WIPF2: variants seen among roughly 807,000 people sequenced by gnomAD.
The protein encoded by WIPF2 is WAS/WASL interacting protein family member 2.
Under a neutral mutation model 38.8 loss-of-function variants are expected in WIPF2, and 23 were observed. That is an observed-to-expected ratio of 0.59 (90% CI 0.43 to 0.84). The LOEUF (loss-of-function observed/expected upper bound fraction) is 0.84. Ranked by LOEUF, WIPF2 falls within the 40% of genes least tolerant of loss-of-function variation. The pLI is 0.00. For missense variants in WIPF2, 574 were observed against 580.5 expected (o/e 0.99, Z 0.11); for synonymous variants, 210 against 223.2 (o/e 0.94, Z 0.53).
intron 2 of WIPF2, among the ~76,000 whole-genome samples, chr17:40,258,056 C>G (rs2031784439): frequency 2.0e-5 from 3 of 152,152 alleles, no homozygotes; most frequent in Admixed American, 1.3e-4. Flanking sequence ...GTATGAACTG[C>G]CTTTTAGATG....
chr17:40,238,310 GTTTA>G (rs2031057520), intron 1 of WIPF2, among the ~76,000 whole-genome samples: 1 of 151,910 alleles, frequency 6.6e-6, no homozygotes, highest in Non-Finnish European at 1.5e-5. Context: ...TTATTTATTT[GTTTA>G]TTTATTTGAG....
chr17:40,276,005 C>G (rs1466520085), intron 6 of WIPF2, among the ~76,000 whole-genome samples: 1 of 152,166 alleles, frequency 6.6e-6, no homozygotes, highest in African/African-American at 2.4e-5. Context: ...TCAAGCCGCA[C>G]TTACAGAAAA....
chr17:40,219,362 GGGCGGTGGCGGCGGCGGCGGCGGC>G lies in WIPF2; in HGVS notation c.-194_-171del. The G allele has an allele frequency of 2.6e-6, 1 of 378,462 alleles. No individual in the cohort carries two copies. The highest frequency in any genetic ancestry group is 2.3e-5 in the South Asian group (1 of 42,866). The allele number at this position is 378,462 out of a possible 1,614,324, so 23.4% of individuals were successfully genotyped here. On this transcript the variant is annotated 5_prime_UTR_variant, in exon 1 of 8. Transcript: ENST00000323571. ...AGATCCATTTCCGGGTTGGCAAAAG[GGGCGGTGGCGGCGGCGGCGGCGGC>G]GGCGGCGGCGGCGACGGCGAGAAAG...
In WIPF2 at chr17:40,280,613, T is replaced by C. The variant is rs1054212219; in HGVS notation, c.*2388T>C. The C allele has an allele frequency of 6.6e-6, 1 of 152,662 alleles. No individual in the cohort carries two copies. The highest frequency in any genetic ancestry group is 2.1e-4 in the South Asian group (1 of 4,832). 9.5% of individuals were successfully genotyped at this position (152,662 alleles called of 1,614,324 possible). A position where few individuals can be genotyped will look rare whatever the true frequency, so the allele number is the denominator to read the frequency against. ...GACTGTGAAGTCTTCCCATTTATTT[T>C]TGAAATGGGAGTCGATGCCTTTTGT... On this transcript the variant is annotated 3_prime_UTR_variant, in exon 8 of 8. Coordinates refer to ENST00000323571, the MANE Select transcript of WIPF2 (RefSeq NM_133264.5).
intron 1 of WIPF2, chr17:40,220,613 A>ATATATG (rs1267066464): frequency 7.3e-4 from 60 of 81,844 alleles, no homozygotes; most frequent in Non-Finnish European, 9.7e-4. Context: ...ATATATATAT[A>ATATATG]TATATGTATA....
intron 1 of WIPF2, among the ~76,000 whole-genome samples, chr17:40,235,275 C>T (rs2030921270): frequency 6.6e-6 from 1 of 152,062 alleles, no homozygotes; most frequent in African/African-American, 2.4e-5. Context: ...AGTTCCCAGG[C>T]CTCCAGATGA....
intron 5 of WIPF2, among the ~76,000 whole-genome samples, chr17:40,268,691 G>A (rs1443142784): frequency 6.6e-6 from 1 of 151,916 alleles, no homozygotes; most frequent in Non-Finnish European, 1.5e-5. Context: ...TTGGCCTCCC[G>A]AAGCCCTGGG....
In WIPF2 at chr17:40,279,964, A is replaced by G. The variant is rs2032509504; in HGVS notation, c.*1739A>G. 1.3e-5 allele frequency: 2 copies of G among 152,146 alleles called. No homozygotes were observed. The highest frequency in any genetic ancestry group is 4.8e-5 in the African/African-American group (2 of 41,340). The allele number at this position is 152,146 out of a possible 1,614,324, so 9.4% of individuals were successfully genotyped here. Reference sequence around the variant, plus strand: ...GGGATCTGTGCATGGTGCCAGGTGAAACCCAAGTCTCCCCAGTGCTAGGTG... The same window carrying G: ...GGGATCTGTGCATGGTGCCAGGTGAGACCCAAGTCTCCCCAGTGCTAGGTG... On this transcript the variant is annotated 3_prime_UTR_variant, in exon 8 of 8. Coordinates refer to ENST00000323571, the MANE Select transcript of WIPF2 (RefSeq NM_133264.5).
chr17:40,272,009 G>A (rs1372201605), intron 5 of WIPF2, among the ~76,000 whole-genome samples: 1 of 150,790 alleles, frequency 6.6e-6, no homozygotes, highest in African/African-American at 2.4e-5. Context: ...TCAGACATAG[G>A]TATGAACATT....
intron 1 of WIPF2, among the ~76,000 whole-genome samples, chr17:40,230,868 C>T (rs142444409): frequency 4.1e-4 from 63 of 152,308 alleles, no homozygotes; most frequent in Middle Eastern, 3.4e-3. Flanking sequence ...TACCCATCAT[C>T]TAGGCCATAT....
At chr17:40,219,905 T>C (rs1472676308) in intron 1 of WIPF2, 1 of 152,636 alleles carries the variant, frequency 6.6e-6, no homozygotes, top group Non-Finnish European at 1.5e-5. Flanking sequence ...AACGGCTAAT[T>C]AGCAGGATGC....
At chr17:40,249,336 G>A (rs2031478486) in intron 1 of WIPF2, among the ~76,000 whole-genome samples, 1 of 152,096 alleles carries the variant, frequency 6.6e-6, no homozygotes, top group Non-Finnish European at 1.5e-5. Context: ...AGTAGTTGGT[G>A]TCTTTGTACT....
chr17:40,255,916 G>A (rs563281769), intron 1 of WIPF2, among the ~76,000 whole-genome samples: 4 of 151,810 alleles, frequency 2.6e-5, no homozygotes, highest in Non-Finnish European at 5.9e-5. Context: ...ATGAGCCACC[G>A]CGCCTGGCCC....
chr17:40,276,178 A>C lies in WIPF2; in HGVS notation c.1181-905A>C, dbSNP rs144034499. ...TCCCATTTTAAATTAATTCCTACCA[A>C]TTTCTGGATTTAGATCAGTTGTTTT... On this transcript the variant is annotated intron_variant, in intron 6 of 7. Coordinates refer to ENST00000323571, the MANE Select transcript of WIPF2 (RefSeq NM_133264.5). Among the ~76,000 whole-genome samples, 13 of 152,260 alleles carry C rather than the reference A, an allele frequency of 8.5e-5. No homozygotes were observed. In the East Asian group the frequency reaches 2.3e-3, roughly 27 times the overall value.
chr17:40,270,772 C>G lies in WIPF2; in HGVS notation c.971-3018C>G, dbSNP rs1372952317. On this transcript the variant is annotated intron_variant, in intron 5 of 7. Transcript: ENST00000323571. Reference sequence around the variant, plus strand: ...CAAGATTTCTCTTTAATTATTGCATCTAGTGTCCCCTGTTTCTACTGAACA... The same window carrying G: ...CAAGATTTCTCTTTAATTATTGCATGTAGTGTCCCCTGTTTCTACTGAACA... 3.9e-5 allele frequency among the ~76,000 whole-genome samples: 6 copies of G among 152,008 alleles called. No homozygotes were observed. The East Asian group carries it at 7.7e-4, about 20-fold the overall frequency.
chr17:40,232,537 G>C (rs1253136174), intron 1 of WIPF2, among the ~76,000 whole-genome samples: 5 of 151,642 alleles, frequency 3.3e-5, no homozygotes, highest in African/African-American at 1.2e-4. Context: ...TTCCCAGGCT[G>C]GTCTCGAATT....
Position 40,279,081 on chromosome 17 carries a change from C to T in WIPF2, c.*856C>T, listed in dbSNP as rs1052863790. The T allele has an allele frequency of 6.6e-6, 1 of 152,246 alleles. No homozygotes were observed. Among genetic ancestry groups the T allele is most frequent in the Non-Finnish European group, 1.5e-5 (1 of 68,088 alleles). 9.4% of individuals were successfully genotyped at this position (152,246 alleles called of 1,614,324 possible). On this transcript the variant is annotated 3_prime_UTR_variant, in exon 8 of 8. Coordinates refer to ENST00000323571, the MANE Select transcript of WIPF2 (RefSeq NM_133264.5). ...CTTTTTGTGGAGGGCATCATTCATT[C>T]CTGATTCACAAACCCCAAAAACCTC...
intron 4 of WIPF2, 58 bp from the exon 5 acceptor site, chr17:40,264,432 G>A: frequency 6.5e-7 from 1 of 1,533,844 alleles, no homozygotes; most frequent in African/African-American, 1.4e-5. Flanking sequence ...AGTGAAGTAG[G>A]GATACTGACC....
At chr17:40,247,004 G>A (rs1191315184) in intron 1 of WIPF2, among the ~76,000 whole-genome samples, 2 of 151,566 alleles carry the variant, frequency 1.3e-5, no homozygotes, top group Non-Finnish European at 2.9e-5. Context: ...CCAGCTACTT[G>A]GAAGGCTGAG....
Sources: gnomAD v4.1 joint callset for allele counts (sites outside exome capture counted in the v4.1 genomes callset) on GRCh38, gnomAD v4.1.1 for gene constraint, MANE v1.5 for transcripts, NCBI Gene and HGNC (gene_info 2026-07-23, HGNC 2026-07-21) for gene names.